Variants in PRMT3 observed in about 807,000 individuals in gnomAD.
The protein encoded by PRMT3 is protein arginine methyltransferase 3, also known as protein arginine N-methyltransferase 3.
A neutral mutation model predicts 71.9 loss-of-function variants in PRMT3; 62 were observed. The ratio of observed to expected loss-of-function variants is 0.86; its 90% CI spans 0.70 to 1.07. The LOEUF is 1.07. Ranked by LOEUF, PRMT3 falls within the 50% of genes least tolerant of loss-of-function variation. PRMT3 has a pLI of 0.00. For missense variants in PRMT3, 663 were observed against 643.0 expected (o/e 1.03, Z -0.34); for synonymous variants, 213 against 220.4 (o/e 0.97, Z 0.30).
intron 13 of PRMT3, among the ~76,000 whole-genome samples, chr11:20,469,948 A>T (rs1850603163): frequency 6.6e-6 from 1 of 152,192 alleles, no homozygotes; most frequent in African/African-American, 2.4e-5. Flanking sequence ...CATCTGAATT[A>T]AAAAAGAAGC....
chr11:20,428,149 C>T (rs763947115), intron 10 of PRMT3, among the ~76,000 whole-genome samples: 1 of 151,900 alleles, frequency 6.6e-6, no homozygotes, highest in Non-Finnish European at 1.5e-5. Flanking sequence ...AGTATTCTCA[C>T]ACCAAAGAAT....
chr11:20,507,462 GTT>G (rs1289791124), intron 15 of PRMT3, among the ~76,000 whole-genome samples: 1 of 128,504 alleles, frequency 7.8e-6, no homozygotes, highest in Admixed American at 7.6e-5. Flanking sequence ...TATGTAGTTA[GTT>G]CTCGCTTCAT....
intron 9 of PRMT3, among the ~76,000 whole-genome samples, chr11:20,416,394 A>G (rs148750333): frequency 6.6e-6 from 1 of 152,190 alleles, no homozygotes; most frequent in Non-Finnish European, 1.5e-5. Flanking sequence ...GATGAAATTC[A>G]TAGGAATGTA....
intron 13 of PRMT3, among the ~76,000 whole-genome samples, chr11:20,472,714 A>C (rs144289556): frequency 0.012 from 1,753 of 152,210 alleles, 17 homozygotes; most frequent in Middle Eastern, 0.024. Flanking sequence ...TATCAGGATG[A>C]TGCTGGCCTC....
chr11:20,388,007 T>C lies in PRMT3; in HGVS notation c.29-12T>C, dbSNP rs780154723. On this transcript the variant is annotated splice_polypyrimidine_tract_variant and intron_variant, in intron 1 of 15. Transcript: ENST00000331079. Reference sequence around the variant, plus strand: ...GTCCGAGGCCGATCTGATTGTTGTGTGTGTGTGTTAGGCGGCCGGGGCGCT... The same window carrying C: ...GTCCGAGGCCGATCTGATTGTTGTGCGTGTGTGTTAGGCGGCCGGGGCGCT... The C allele has an allele frequency of 5.0e-6, 8 of 1,613,524 alleles. No individual in the cohort carries two copies. The highest frequency in any genetic ancestry group is 6.8e-6 in the Non-Finnish European group (8 of 1,179,930).
chr11:20,407,708 G>T, intron 8 of PRMT3: 1 of 422,434 alleles, frequency 2.4e-6, no homozygotes. Flanking sequence ...AATGGAAAGA[G>T]CCGGGCATGG....
rs541431129 is a variant in PRMT3, at chr11:20,499,646, T to G, written c.1486+5392T>G. Reference sequence around the variant, plus strand: ...ATTTCTAAAAAAAAATTAAATTTTTTTAAAGAAGAAGATGGGGAAAAGGAC... The same window carrying G: ...ATTTCTAAAAAAAAATTAAATTTTTGTAAAGAAGAAGATGGGGAAAAGGAC... On this transcript the variant is annotated intron_variant, in intron 15 of 15. Transcript: ENST00000331079. 6.6e-5 allele frequency among the ~76,000 whole-genome samples: 10 copies of G among 152,094 alleles called. No individual in the cohort carries two copies. The East Asian group carries it at 1.4e-3, about 21-fold the overall frequency.
At chr11:20,407,056 C>T (rs1350218897) in intron 8 of PRMT3, 1 of 152,094 alleles carries the variant, frequency 6.6e-6, no homozygotes, top group Non-Finnish European at 1.5e-5. Flanking sequence ...AATTTGTTAG[C>T]ACTGGACTCC....
chr11:20,408,096 T>G, intron 9 of PRMT3, 64 bp downstream of exon 9: 1 of 1,258,026 alleles, frequency 7.9e-7, no homozygotes, highest in Non-Finnish European at 1.1e-6. Flanking sequence ...TAATAGATTT[T>G]CTTGTCTTTA....
chr11:20,423,906 C>T (rs963829273), intron 9 of PRMT3, among the ~76,000 whole-genome samples: 1 of 127,994 alleles, frequency 7.8e-6, no homozygotes, highest in Admixed American at 7.9e-5. Flanking sequence ...AAAAAAAGGC[C>T]AGGCGCGGTG....
chr11:20,408,469 T>C (rs1051117236), intron 9 of PRMT3, among the ~76,000 whole-genome samples: 8 of 152,166 alleles, frequency 5.3e-5, no homozygotes, highest in African/African-American at 1.9e-4. Context: ...CTAGTCCATG[T>C]ACCTCCTTCA....
intron 7 of PRMT3, among the ~76,000 whole-genome samples, chr11:20,401,126 T>C (rs1848939410): frequency 1.3e-5 from 2 of 152,148 alleles, no homozygotes; most frequent in African/African-American, 4.8e-5. Flanking sequence ...AGATTGTAGT[T>C]TAGTTGAGCA....
chr11:20,430,202 A>G (rs1338197966), intron 10 of PRMT3, among the ~76,000 whole-genome samples: 2 of 152,184 alleles, frequency 1.3e-5, no homozygotes, highest in Non-Finnish European at 2.9e-5. Flanking sequence ...AGAATGAACC[A>G]TAGTTAAGCA....
intron 9 of PRMT3, among the ~76,000 whole-genome samples, chr11:20,418,098 G>C (rs915094430): frequency 6.6e-6 from 1 of 151,834 alleles, no homozygotes; most frequent in Non-Finnish European, 1.5e-5. Flanking sequence ...AGATAGGAAA[G>C]TATGTGTTCT....
chr11:20,422,287 T>A (rs986625845), intron 9 of PRMT3, among the ~76,000 whole-genome samples: 1 of 152,124 alleles, frequency 6.6e-6, no homozygotes, highest in Non-Finnish European at 1.5e-5. Flanking sequence ...TAAAACAGTT[T>A]CTTTTTTTTT....
intron 15 of PRMT3, among the ~76,000 whole-genome samples, 149 bp from the exon 16 acceptor site, chr11:20,508,149 TAAAAAA>T (rs11338942): frequency 8.1e-5 from 10 of 122,880 alleles, no homozygotes; most frequent in African/African-American, 2.5e-4. Context: ...GACTCCATCT[TAAAAAA>T]AAAAAAAAAA....
In PRMT3 at chr11:20,462,004, G is replaced by A; in HGVS notation, c.1097G>A (p.Ser366Asn). The A allele has an allele frequency of 6.2e-7, 1 of 1,603,774 alleles. No individual in the cohort carries two copies. The highest frequency in any genetic ancestry group is 8.5e-7 in the Non-Finnish European group (1 of 1,173,254). The change falls in exon 12 of 16, where the codon AGC becomes AAC. Residue 366 changes from serine (S) to asparagine (N), a missense_variant. By Grantham distance (46) the Ser-to-Asn change is conservative. Transcript: ENST00000331079. ...GTCTACCCTGACATTTGCACTATCA[G>A]CCTTGTAGCAGTGAGTGATGTGAAT... ...GSVYPDICTISLVAVSDVNKH... is the reference protein window; with the variant it reads ...GSVYPDICTINLVAVSDVNKH...
In PRMT3 at chr11:20,387,831, G is replaced by GGGGCCGGTGGAAGA. The variant is rs760480353; in HGVS notation, c.28+58_28+71dup. The GGGGCCGGTGGAAGA allele has an allele frequency of 2.6e-6, 4 of 1,538,760 alleles. No individual in the cohort carries two copies. The African/African-American group carries it at 4.1e-5, about 16-fold the overall frequency. On this transcript the variant is annotated intron_variant, in intron 1 of 15. Coordinates refer to ENST00000331079, the MANE Select transcript of PRMT3 (RefSeq NM_005788.4). This position sits in a 1 kb window ranked among gnomAD's most constrained non-coding sequence, Gnocchi z 4.3. ...GTCCAGCCCCAGGCCGCGCCGCTGTGGGGCCGGTGGAAGACCCTCCGGGAC... is the reference window on the plus strand; with the variant it reads ...GTCCAGCCCCAGGCCGCGCCGCTGTGGGGCCGGTGGAAGAGGGCCGGTGGAAGACCCTCCGGGAC...
chr11:20,488,546 A>T (rs956366232), intron 13 of PRMT3, among the ~76,000 whole-genome samples: 1 of 152,206 alleles, frequency 6.6e-6, no homozygotes, highest in Non-Finnish European at 1.5e-5. Flanking sequence ...AAAGCACATT[A>T]TCCTCCTACT....
Sources: gnomAD v4.1 joint callset for allele counts (sites outside exome capture counted in the v4.1 genomes callset) on GRCh38, gnomAD v4.1.1 for gene constraint, Gnocchi (gnomAD v3.1) non-coding constraint, MANE v1.5 for transcripts, NCBI Gene and HGNC (gene_info 2026-07-23, HGNC 2026-07-21) for gene names.